Variants in CHEK2 observed in about 807,000 individuals in gnomAD.
CHEK2 encodes serine/threonine-protein kinase Chk2.
A neutral mutation model predicts 69.1 loss-of-function variants in CHEK2; 71 were observed. The ratio of observed to expected loss-of-function variants is 1.03; its 90% CI spans 0.85 to 1.25. The LOEUF (loss-of-function observed/expected upper bound fraction) is 1.25, where lower values mean the gene tolerates loss of function less well. Ranked by LOEUF, CHEK2 falls within the 50% of genes most tolerant of loss-of-function variation. The pLI, the probability that CHEK2 is intolerant of heterozygous loss-of-function variation, is 0.00. For missense variants in CHEK2, 664 were observed against 649.6 expected (o/e 1.02, Z -0.24); for synonymous variants, 189 against 226.9 (o/e 0.83, Z 1.50).
chr22:28,708,041 G>T (rs146848635), intron 7 of CHEK2, among the ~76,000 whole-genome samples: 1 of 151,668 alleles, frequency 6.6e-6, no homozygotes, highest in South Asian at 2.1e-4. Flanking sequence ...GGATTTCACC[G>T]TGTTAGCCAG....
rs1060502709 is a variant in CHEK2 at position 28,696,940 on chromosome 22, A to G, written c.1056T>C (p.Asn352=). The change falls in exon 10 of 15, where the codon AAT becomes AAC. Residue 352 remains asparagine (N), a synonymous_variant. Coordinates refer to ENST00000404276, the MANE Select transcript of CHEK2 (RefSeq NM_007194.4). The part of the protein sequence containing the change: ...GIIHRDLKPE[N]VLLSSQEEDC... Reference sequence around the variant, plus strand: ...CCTCTTCTTGAGATGACAGTAAAACATTCTCTGGCTTTAAGTCACGGTGTA... The same window carrying G: ...CCTCTTCTTGAGATGACAGTAAAACGTTCTCTGGCTTTAAGTCACGGTGTA... The G allele has an allele frequency of 1.2e-6, 2 of 1,613,662 alleles. No individual in the cohort carries two copies. Among genetic ancestry groups the G allele is most frequent in the Non-Finnish European group, 1.7e-6 (2 of 1,179,582 alleles).
intron 7 of CHEK2, among the ~76,000 whole-genome samples, chr22:28,704,654 A>T (rs993674398): frequency 1.3e-5 from 2 of 152,156 alleles, no homozygotes; most frequent in African/African-American, 4.8e-5. Flanking sequence ...TGTTTTTACG[A>T]TACAGAAGTC....
chr22:28,741,735 C>G lies in CHEK2; in HGVS notation c.-7+34G>C, dbSNP rs902719245. The G allele has an allele frequency of 4.1e-5, 13 of 320,450 alleles. No homozygotes were observed. In the Admixed American group the frequency reaches 5.6e-4, roughly 14 times the overall value. 19.9% of individuals were successfully genotyped at this position (320,450 alleles called of 1,614,324 possible). The stretch of plus-strand genomic sequence containing the variant: ...ACGCTTAAGATGGGATTCGAACCAC[C>G]AAACACCCAACAGAAGTTCCCCATA... On this transcript the variant is annotated intron_variant, in intron 1 of 14. Transcript: ENST00000404276.
chr22:28,700,012 A>C, intron 8 of CHEK2, 75 bp from the exon 9 acceptor site: 1 of 948,014 alleles, frequency 1.1e-6, no homozygotes, highest in Non-Finnish European at 1.7e-6. Flanking sequence ...TAAAACAACA[A>C]AACAAATTCA....
At chr22:28,721,281 G>GTTTTTTTTT (rs755378917) in intron 4 of CHEK2, among the ~76,000 whole-genome samples, 5 of 109,948 alleles carry the variant, frequency 4.5e-5, no homozygotes, top group Non-Finnish European at 7.2e-5. Flanking sequence ...GTTTGTTTGG[G>GTTTTTTTTT]TTTTTTTTTT....
intron 10 of CHEK2, among the ~76,000 whole-genome samples, chr22:28,696,611 G>A (rs565852569): frequency 3.9e-5 from 6 of 152,030 alleles, no homozygotes; most frequent in South Asian, 2.1e-4. Flanking sequence ...TGCCCACCTC[G>A]GCCTCCCAAA....
chr22:28,716,024 C>T, intron 5 of CHEK2, among the ~76,000 whole-genome samples: 1 of 151,928 alleles, frequency 6.6e-6, no homozygotes, highest in Non-Finnish European at 1.5e-5. Flanking sequence ...GACCGCAACG[C>T]TCAGCTAACT....
intron 10 of CHEK2, among the ~76,000 whole-genome samples, 194 bp downstream of exon 10, chr22:28,696,707 T>A (rs2145813741): frequency 6.6e-6 from 1 of 152,308 alleles, no homozygotes; most frequent in South Asian, 2.1e-4. Flanking sequence ...AAAGGTCACT[T>A]GTACACAACA....
chr22:28,708,415 C>T (rs1451265421), intron 7 of CHEK2, among the ~76,000 whole-genome samples: 1 of 118,468 alleles, frequency 8.4e-6, no homozygotes, highest in African/African-American at 2.9e-5. Context: ...AAGAGAGACT[C>T]CAAATCTCTT....
At chr22:28,701,995 A>G (rs1303076916) in intron 8 of CHEK2, among the ~76,000 whole-genome samples, 2 of 148,618 alleles carry the variant, frequency 1.3e-5, no homozygotes, top group Non-Finnish European at 3.0e-5. Context: ...CCCATTGTCC[A>G]GGCTGGAGTG....
intron 13 of CHEK2, among the ~76,000 whole-genome samples, chr22:28,690,267 G>A (rs185679851): frequency 6.6e-6 from 1 of 152,170 alleles, no homozygotes. Context: ...CAAGGTGGGA[G>A]AATTGCTTGA....
chr22:28,716,429 T>C (rs2053591030), intron 5 of CHEK2, among the ~76,000 whole-genome samples: 1 of 151,900 alleles, frequency 6.6e-6, no homozygotes, highest in African/African-American at 2.4e-5. Context: ...ACCCCCAACC[T>C]CAGGTGATCC....
At chr22:28,724,809 A>C in intron 4 of CHEK2, 168 bp downstream of exon 4, 1 of 722,274 alleles carries the variant, frequency 1.4e-6, no homozygotes, top group Non-Finnish European at 2.5e-6. Flanking sequence ...CAGGTGATCC[A>C]TCCGCCTCAG....
intron 7 of CHEK2, among the ~76,000 whole-genome samples, chr22:28,707,830 CTTTTTT>C (rs11453597): frequency 2.0e-5 from 2 of 102,464 alleles, no homozygotes; most frequent in Non-Finnish European, 3.7e-5. Context: ...TTGTGTTTAT[CTTTTTT>C]TTTTTTTTTT....
intron 9 of CHEK2, among the ~76,000 whole-genome samples, chr22:28,698,981 G>C (rs1025780063): frequency 6.6e-6 from 1 of 152,068 alleles, no homozygotes; most frequent in African/African-American, 2.4e-5. Flanking sequence ...ATACCTCCAA[G>C]CTAAAGATAG....
chr22:28,697,111 T>G, intron 9 of CHEK2, 124 bp from the exon 10 acceptor site: 1 of 694,366 alleles, frequency 1.4e-6, no homozygotes, highest in Non-Finnish European at 2.6e-6. Flanking sequence ...ACAACCATAT[T>G]CTCCAAAATC....
At chr22:28,740,662 A>G (rs549542850) in intron 1 of CHEK2, among the ~76,000 whole-genome samples, 125 of 152,328 alleles carry the variant, frequency 8.2e-4, no homozygotes, top group Non-Finnish European at 1.2e-3. Flanking sequence ...AGGGAGTACT[A>G]CGGAAAATTG....
intron 4 of CHEK2, among the ~76,000 whole-genome samples, chr22:28,723,990 G>A (rs1162861812): frequency 6.6e-6 from 1 of 151,894 alleles, no homozygotes; most frequent in Non-Finnish European, 1.5e-5. Context: ...GAAAGAATGA[G>A]GTGAAGAGGA....
At chr22:28,733,922 CAAA>C (rs545037765) in intron 2 of CHEK2, among the ~76,000 whole-genome samples, 9 of 84,056 alleles carry the variant, frequency 1.1e-4, no homozygotes, top group Non-Finnish European at 1.0e-4. Flanking sequence ...ACTCCGTTGC[CAAA>C]AAAAAAAAAA....
Sources: gnomAD v4.1 joint callset for allele counts (sites outside exome capture counted in the v4.1 genomes callset) on GRCh38, gnomAD v4.1.1 for gene constraint, MANE v1.5 for transcripts, NCBI Gene and HGNC (gene_info 2026-07-23, HGNC 2026-07-21) for gene names.